PID1: variants seen among roughly 807,000 people sequenced by gnomAD.
PID1 encodes the protein PTB-containing, cubilin and LRP1-interacting protein.
PID1 carries 10 observed loss-of-function variants against 19.1 expected under a neutral mutation model. That is an observed-to-expected ratio of 0.52 (90% CI 0.32 to 0.89). The LOEUF (loss-of-function observed/expected upper bound fraction) is 0.89. PID1 is among the 40% of genes least tolerant of loss of function. The pLI, the probability that PID1 is intolerant of heterozygous loss-of-function variation, is 0.03. For missense variants in PID1, 248 were observed against 285.3 expected, an observed-to-expected ratio of 0.87 and a Z score of 0.94; for synonymous variants, 130 against 116.0, an observed-to-expected ratio of 1.12 and a Z score of -0.78.
At chr2:229,165,663 T>C (rs950856953) in intron 1 of PID1, among the ~76,000 whole-genome samples, 1 of 152,034 alleles carries the variant, frequency 6.6e-6, no homozygotes, top group Non-Finnish European at 1.5e-5. Flanking sequence ...AACCAGTTAA[T>C]GAAAGCCTAC....
chr2:229,128,704 C>T (rs554942582), intron 2 of PID1, among the ~76,000 whole-genome samples: 15 of 152,118 alleles, frequency 9.9e-5, no homozygotes, highest in Non-Finnish European at 1.8e-4. Context: ...TATTATTTCT[C>T]AGGGCATTTA....
intron 2 of PID1, among the ~76,000 whole-genome samples, chr2:229,121,180 A>T (rs1695510682): frequency 6.6e-6 from 1 of 152,192 alleles, no homozygotes; most frequent in Admixed American, 6.5e-5. Context: ...GAACCCTGAG[A>T]AACACATAGA....
intron 2 of PID1, among the ~76,000 whole-genome samples, chr2:229,152,371 T>C (rs1285677915): frequency 3.3e-5 from 5 of 152,202 alleles, no homozygotes; most frequent in African/African-American, 4.8e-5. Flanking sequence ...TGGGCACTTG[T>C]CTTATTCCTT....
At chr2:229,206,308 T>TA (rs1367429339) in intron 1 of PID1, among the ~76,000 whole-genome samples, 6 of 151,726 alleles carry the variant, frequency 4.0e-5, no homozygotes, top group Non-Finnish European at 8.8e-5. Context: ...AATGGTTAAT[T>TA]TTTATTTTTA....
chr2:229,040,097 C>CT, intron 2 of PID1, among the ~76,000 whole-genome samples: 1 of 145,016 alleles, frequency 6.9e-6, no homozygotes, highest in South Asian at 2.2e-4. Context: ...CATGAAGTGA[C>CT]TTATTGGGTA....
At chr2:229,050,629 A>C (rs752373684) in intron 2 of PID1, among the ~76,000 whole-genome samples, 5 of 152,166 alleles carry the variant, frequency 3.3e-5, no homozygotes, top group Non-Finnish European at 7.3e-5. Flanking sequence ...AGTACAGTGT[A>C]TATACCGGTG....
intron 1 of PID1, among the ~76,000 whole-genome samples, chr2:229,207,134 C>T (rs1691626550): frequency 6.6e-6 from 1 of 152,098 alleles, no homozygotes; most frequent in African/African-American, 2.4e-5. Flanking sequence ...TTATTAATTT[C>T]ATCAATAAGG....
intron 2 of PID1, among the ~76,000 whole-genome samples, chr2:229,065,112 C>T (rs6758356): frequency 0.095 from 14,459 of 152,090 alleles, 1,112 homozygotes; most frequent in African/African-American, 0.21. Flanking sequence ...TCAAGGTGCT[C>T]GGCAAGAAAG....
In PID1 at chr2:229,025,636, CCAT is replaced by C. The variant is rs764872050; in HGVS notation, c.647_649del (p.Asp216del). The stretch of plus-strand genomic sequence containing the variant: ...GCTGAAGCGTCTCAAGTTCATTCAG[CCAT>C]CATCGGATTCCAATTCCTGGGAAAC... On this transcript the variant is annotated inframe_deletion, in exon 3 of 3. Coordinates refer to ENST00000392055, the MANE Select transcript of PID1 (RefSeq NM_001100818.2). 1 of 1,606,526 alleles carries C rather than the reference CCAT, an allele frequency of 6.2e-7. No homozygotes were observed. Among genetic ancestry groups the C allele is most frequent in the South Asian group, 1.1e-5 (1 of 90,848 alleles).
chr2:229,048,676 A>G (rs1414120547), intron 2 of PID1, among the ~76,000 whole-genome samples: 2 of 152,202 alleles, frequency 1.3e-5, no homozygotes, highest in Non-Finnish European at 2.9e-5. Context: ...AGCGGCTAGT[A>G]ATGTATGTTA....
rs1158836429 is a variant in PID1 at position 229,138,998 on chromosome 2, A to C, written c.177+16820T>G. 1.6e-4 allele frequency among the ~76,000 whole-genome samples: 14 copies of C among 87,930 alleles called. 1 individual carries two copies. The highest frequency in any genetic ancestry group is 6.1e-4 in the African/African-American group (14 of 22,846). The allele number at this position is 87,930 out of a possible 152,430, so 57.7% of individuals were successfully genotyped here. Reference sequence around the variant, plus strand: ...AAAAATAGAAGAAAGAAAGAAAGAAAGAAAGAAAGAAAGAAAGAAAGAAAG... The same window carrying C: ...AAAAATAGAAGAAAGAAAGAAAGAACGAAAGAAAGAAAGAAAGAAAGAAAG... On this transcript the variant is annotated intron_variant, in intron 2 of 2. Coordinates refer to ENST00000392055, the MANE Select transcript of PID1 (RefSeq NM_001100818.2).
chr2:229,066,603 T>A (rs1694332159), intron 2 of PID1, among the ~76,000 whole-genome samples: 2 of 152,136 alleles, frequency 1.3e-5, no homozygotes, highest in South Asian at 4.1e-4. Context: ...CAAAGTGTGA[T>A]GATACTTGGG....
chr2:229,079,039 C>T (rs1398897223), intron 2 of PID1, among the ~76,000 whole-genome samples: 1 of 152,022 alleles, frequency 6.6e-6, no homozygotes, highest in Non-Finnish European at 1.5e-5. Context: ...ATATCAAGTG[C>T]CTGTGGAAAC....
chr2:229,223,144 G>A (rs1692009331), intron 1 of PID1, among the ~76,000 whole-genome samples: 1 of 152,070 alleles, frequency 6.6e-6, no homozygotes, highest in African/African-American at 2.4e-5. Flanking sequence ...TTAAAATTGT[G>A]GCCAAATTGC....
intron 2 of PID1, among the ~76,000 whole-genome samples, chr2:229,124,056 G>A (rs534975938): frequency 2.2e-4 from 34 of 152,236 alleles, no homozygotes; most frequent in African/African-American, 7.9e-4. Flanking sequence ...TTAAAATATG[G>A]CGAGACTGGA....
intron 2 of PID1, among the ~76,000 whole-genome samples, chr2:229,154,483 G>A (rs1013809410): frequency 9.2e-5 from 14 of 152,170 alleles, no homozygotes; most frequent in African/African-American, 3.4e-4. Flanking sequence ...CCCTCAGTGA[G>A]CAGTTAAATC....
chr2:229,039,007 G>A (rs892214622), intron 2 of PID1, among the ~76,000 whole-genome samples: 2 of 152,132 alleles, frequency 1.3e-5, no homozygotes, highest in African/African-American at 4.8e-5. Context: ...GTATAAAATG[G>A]AGATGTTTCA....
rs112336877 is a variant in PID1, at chr2:229,115,513, T to G, written c.177+40305A>C. Among the ~76,000 whole-genome samples, 763 of 152,140 alleles carry G rather than the reference T, an allele frequency of 5.0e-3. 5 individuals are homozygous for G. The highest frequency in any genetic ancestry group is 0.018 in the African/African-American group (738 of 41,526). Reference sequence around the variant, plus strand: ...TATAGCACTAACCATAAAAATTTACTGTAAACTACACATTTTAAAGCAGAA... The same window carrying G: ...TATAGCACTAACCATAAAAATTTACGGTAAACTACACATTTTAAAGCAGAA... On this transcript the variant is annotated intron_variant, in intron 2 of 2. Coordinates refer to ENST00000392055, the MANE Select transcript of PID1 (RefSeq NM_001100818.2).
At chr2:229,223,655 C>T (rs139328215) in intron 1 of PID1, among the ~76,000 whole-genome samples, 2 of 152,356 alleles carry the variant, frequency 1.3e-5, no homozygotes, top group African/African-American at 4.8e-5. Flanking sequence ...AAGGCTCCTA[C>T]TGGGCTACAA....
Sources: allele counts gnomAD v4.1 joint callset (sites outside exome capture counted in the v4.1 genomes callset), GRCh38; gene constraint gnomAD v4.1.1; transcripts MANE v1.5; gene names NCBI Gene and HGNC (gene_info 2026-07-23, HGNC 2026-07-21).